POU6F1: variants seen among roughly 807,000 people sequenced by gnomAD.
POU6F1 encodes the protein POU class 6 homeobox 1.
Under a neutral mutation model 28.9 loss-of-function variants are expected in POU6F1, and 9 were observed. That is an observed-to-expected ratio of 0.31 (90% CI 0.19 to 0.54). POU6F1 has a LOEUF of 0.54. Among genes scored for constraint, POU6F1 ranks in the 20% least tolerant of loss-of-function variants. POU6F1 has a pLI of 0.94. For missense variants in POU6F1, 338 were observed against 426.1 expected, an observed-to-expected ratio of 0.79 and a Z score of 1.82; for synonymous variants, 173 against 171.1, an observed-to-expected ratio of 1.01 and a Z score of -0.09.
Position 51,192,439 on chromosome 12 carries a change from G to A in POU6F1, c.1212C>T (p.Pro404=), listed in dbSNP as rs1387472675. ...VQPIQPTPTV[P]QPAVVIASPA... ...GGCTGGCAATGACCACAGCAGGCTG[G>A]GGCACGGTTGGTGTGGGCTGGATGG... The change falls in exon 9 of 11, where the codon CCC becomes CCT. Residue 404 remains proline, a synonymous_variant. Coordinates refer to ENST00000333640, the MANE Select transcript of POU6F1 (RefSeq NM_001330422.2). 1 of 1,613,610 alleles carries A rather than the reference G, an allele frequency of 6.2e-7. No homozygotes were observed. Among genetic ancestry groups the A allele is most frequent in the African/African-American group, 1.3e-5 (1 of 74,918 alleles).
chr12:51,196,505 T>G (rs1010706778), intron 7 of POU6F1, among the ~76,000 whole-genome samples: 1 of 152,154 alleles, frequency 6.6e-6, no homozygotes. Context: ...TCTAATAGAT[T>G]TGTACTCCAA....
chr12:51,196,678 A>G, intron 7 of POU6F1, 121 bp downstream of exon 7: 2 of 1,248,190 alleles, frequency 1.6e-6, no homozygotes, highest in South Asian at 1.4e-5. Context: ...CGCAGAGGAG[A>G]TAGGAACAAC....
intron 3 of POU6F1, among the ~76,000 whole-genome samples, chr12:51,202,869 A>C (rs959313267): frequency 2.1e-4 from 32 of 152,186 alleles, no homozygotes; most frequent in African/African-American, 7.5e-4. Context: ...CATGTGTGAC[A>C]AAGACTGGAT....
In POU6F1 at chr12:51,205,822, T is replaced by C. The variant is rs572073802; in HGVS notation, c.48+967A>G. On this transcript the variant is annotated intron_variant, in intron 2 of 10. Transcript: ENST00000333640. Reference sequence around the variant, plus strand: ...AATTCATCTTTTCTTTTCTTTCTTTTTTTTTTTTTTTTTGTAGACAGAGTC... The same window carrying C: ...AATTCATCTTTTCTTTTCTTTCTTTCTTTTTTTTTTTTTGTAGACAGAGTC... Among the ~76,000 whole-genome samples, 289 of 146,852 alleles carry C rather than the reference T, an allele frequency of 2.0e-3. 1 individual carries two copies. The highest frequency in any genetic ancestry group is 3.1e-3 in the Non-Finnish European group (208 of 67,154).
intron 8 of POU6F1, among the ~76,000 whole-genome samples, chr12:51,194,143 C>T (rs533371756): frequency 1.3e-5 from 2 of 152,134 alleles, no homozygotes; most frequent in African/African-American, 2.4e-5. Context: ...TCTCCTACCT[C>T]GGCCTCCCAA....
intron 9 of POU6F1, among the ~76,000 whole-genome samples, chr12:51,192,065 T>C (rs1206596038): frequency 6.6e-6 from 1 of 152,076 alleles, no homozygotes; most frequent in Non-Finnish European, 1.5e-5. Flanking sequence ...ATTCCTCAAA[T>C]ACTGGGTGAG....
At position 51,217,741 on chromosome 12, in the gene POU6F1, G is replaced by A. The variant is rs1404727131; in HGVS notation, c.-147C>T. Reference sequence around the variant, plus strand: ...GCCAGGGGGCCGGGGCCGGGGCCGGGGCCACGGCGGCCGCCGCCCGCAGAC... The same window carrying A: ...GCCAGGGGGCCGGGGCCGGGGCCGGAGCCACGGCGGCCGCCGCCCGCAGAC... On this transcript the variant is annotated 5_prime_UTR_variant, in exon 1 of 11. Coordinates refer to ENST00000333640, the MANE Select transcript of POU6F1 (RefSeq NM_001330422.2). This position sits in a 1 kb window ranked among gnomAD's most constrained non-coding sequence, Gnocchi z 5.3. 6.6e-6 allele frequency: 1 copy of A among 151,746 alleles called. No homozygotes were observed. The highest frequency in any genetic ancestry group is 2.4e-5 in the African/African-American group (1 of 41,222). 9.4% of individuals were successfully genotyped at this position (151,746 alleles called of 1,614,324 possible). A position where few individuals can be genotyped will look rare whatever the true frequency, so the allele number is the denominator to read the frequency against.
Position 51,191,597 on chromosome 12 carries a change from G to A in POU6F1, c.1489C>T (p.Arg497Trp), listed in dbSNP as rs751779343. The stretch of plus-strand genomic sequence containing the variant: ...CCTGTCTAGGGCAGCCTTACTCACC[G>A]GCAGATGGCTGACTGGCTGTAGGCT... ...GPAYSQSAIC[R>W]FEKLDITPKS... Residue 497 changes from arginine (R) to tryptophan (W), a missense_variant and splice_region_variant, in exon 10 of 11, where the codon CGG becomes TGG. Around this residue, in one of 3 missense-constraint regions of POU6F1, gnomAD observed 126 missense variants for 176.5 expected, o/e 0.71. Coordinates refer to ENST00000333640, the MANE Select transcript of POU6F1 (RefSeq NM_001330422.2). 4 of 1,612,734 alleles carry A rather than the reference G, an allele frequency of 2.5e-6. No individual in the cohort carries two copies. The highest frequency in any genetic ancestry group is 1.3e-5 in the African/African-American group (1 of 75,038).
intron 2 of POU6F1, among the ~76,000 whole-genome samples, chr12:51,205,956 T>C (rs904129885): frequency 2.7e-5 from 4 of 150,164 alleles, no homozygotes; most frequent in African/African-American, 4.9e-5. Context: ...GTAGCTGGGA[T>C]TACAGGTGCC....
rs949809756 is a variant in POU6F1, at chr12:51,191,768, G to A, written c.1322-4C>T. On this transcript the variant is annotated splice_region_variant and splice_polypyrimidine_tract_variant and intron_variant, in intron 9 of 10. Coordinates refer to ENST00000333640, the MANE Select transcript of POU6F1 (RefSeq NM_001330422.2). Reference sequence around the variant, plus strand: ...TCCAGACTTGGAGTATGTGGCTCTAGGCCAGAGGGAGGGAGCAGGGATGAG... The same window carrying A: ...TCCAGACTTGGAGTATGTGGCTCTAAGCCAGAGGGAGGGAGCAGGGATGAG... 1 of 1,614,170 alleles carries A rather than the reference G, an allele frequency of 6.2e-7. No homozygotes were observed. Among genetic ancestry groups the A allele is most frequent in the Admixed American group, 1.7e-5 (1 of 60,032 alleles).
In POU6F1 at chr12:51,199,084, G is replaced by A. The variant is rs765315109; in HGVS notation, c.367-309C>T. Reference sequence around the variant, plus strand: ...GCCTGCTGCCTGCCAGGCCTTCCGCGAGCCCTTGCTGACAGGCCCCGTGCT... The same window carrying A: ...GCCTGCTGCCTGCCAGGCCTTCCGCAAGCCCTTGCTGACAGGCCCCGTGCT... On this transcript the variant is annotated intron_variant, in intron 4 of 10. Transcript: ENST00000333640. This position sits in a 1 kb window ranked among gnomAD's most constrained non-coding sequence, Gnocchi z 4.1. Among the ~76,000 whole-genome samples, 2 of 152,240 alleles carry A rather than the reference G, an allele frequency of 1.3e-5. No homozygotes were observed. Among genetic ancestry groups the A allele is most frequent in the African/African-American group, 4.8e-5 (2 of 41,476 alleles).
intron 8 of POU6F1, among the ~76,000 whole-genome samples, chr12:51,195,518 G>A (rs1942755617): frequency 6.6e-6 from 1 of 152,070 alleles, no homozygotes; most frequent in South Asian, 2.1e-4. Flanking sequence ...AATAATAGTA[G>A]GCACTAAATA....
chr12:51,192,494 C>A (rs768668442), intron 8 of POU6F1, 23 bp from the exon 9 acceptor site: 1 of 1,607,252 alleles, frequency 6.2e-7, no homozygotes, highest in Non-Finnish European at 8.5e-7. Context: ...AGACAACAAG[C>A]CTTTGCTGCC....
rs539259135 is a variant in POU6F1, at chr12:51,218,011, CCTT to C, written c.-420_-418del. The stretch of plus-strand genomic sequence containing the variant: ...TTTTCCCTCCCCCCCTTTTTTCCCT[CCTT>C]CTGCTACTTGGATTTTTTTAGCTGC... On this transcript the variant is annotated 5_prime_UTR_variant, in exon 1 of 11. Coordinates refer to ENST00000333640, the MANE Select transcript of POU6F1 (RefSeq NM_001330422.2). 2.4e-4 allele frequency among the ~76,000 whole-genome samples: 37 copies of C among 151,258 alleles called. No individual in the cohort carries two copies. In the South Asian group the frequency reaches 7.5e-3, roughly 31 times the overall value.
chr12:51,204,437 T>A, intron 2 of POU6F1, 69 bp from the exon 3 acceptor site: 1 of 398,442 alleles, frequency 2.5e-6, no homozygotes, highest in East Asian at 3.6e-5. Flanking sequence ...AAGCTCTGGG[T>A]ATGGTTTGGG....
At chr12:51,214,860 G>A (rs981435375) in intron 1 of POU6F1, among the ~76,000 whole-genome samples, 2 of 152,146 alleles carry the variant, frequency 1.3e-5, no homozygotes, top group African/African-American at 2.4e-5. Flanking sequence ...TTGGGAGGCT[G>A]AGGCCAGAGA....
chr12:51,191,510 G>A (rs1942405202), intron 10 of POU6F1, 86 bp downstream of exon 10: 12 of 1,475,550 alleles, frequency 8.1e-6, no homozygotes, highest in South Asian at 1.3e-5. Flanking sequence ...ATATGGAAAA[G>A]GGGCCGGTGC....
intron 6 of POU6F1, among the ~76,000 whole-genome samples, chr12:51,197,234 G>C (rs1942894983): frequency 6.6e-6 from 1 of 151,262 alleles, no homozygotes; most frequent in Non-Finnish European, 1.5e-5. Context: ...CCAGGGCTAG[G>C]GGTCTACCGG....
Position 51,191,614 on chromosome 12 carries a change from C to T in POU6F1, c.1472G>A (p.Ser491Asn). The change falls in exon 10 of 11, where the codon AGC (serine) becomes AAC (asparagine). Residue 491 changes from serine to asparagine, a missense_variant. Ser to Asn is a conservative substitution (Grantham distance 46). Around this residue, in one of 3 missense-constraint regions of POU6F1, gnomAD observed 126 missense variants for 176.5 expected, o/e 0.71. Transcript: ENST00000333640. ...ALTATEGPAY[S>N]QSAICRFEKL... is the part of the protein sequence containing the mutation. Reference sequence around the variant, plus strand: ...TACTCACCGGCAGATGGCTGACTGGCTGTAGGCTGGACCTTCCGTTGCAGT... The same window carrying T: ...TACTCACCGGCAGATGGCTGACTGGTTGTAGGCTGGACCTTCCGTTGCAGT... 1 of 1,613,438 alleles carries T rather than the reference C, an allele frequency of 6.2e-7. No individual in the cohort carries two copies. The highest frequency in any genetic ancestry group is 8.5e-7 in the Non-Finnish European group (1 of 1,180,002).
Sources: allele counts gnomAD v4.1 joint callset (sites outside exome capture counted in the v4.1 genomes callset), GRCh38; gene constraint gnomAD v4.1.1; regional missense constraint gnomAD v4.1.1; non-coding constraint Gnocchi (gnomAD v3.1); transcripts MANE v1.5; gene names NCBI Gene and HGNC (gene_info 2026-07-23, HGNC 2026-07-21).